Variants in BACH2 observed in about 807,000 individuals in gnomAD.
BACH2 encodes the protein BACH transcriptional regulator 2, also known as transcription regulator protein BACH2.
A neutral mutation model predicts 61.8 loss-of-function variants in BACH2; 5 were observed. That is an observed-to-expected ratio of 0.08 (90% CI 0.04 to 0.17). BACH2 has a LOEUF of 0.17. BACH2 is among the 10% of genes least tolerant of loss of function. BACH2 has a pLI of 1.00. For synonymous variants in BACH2, 446 were observed against 440.1 expected (o/e 1.01, Z -0.17); for missense variants, 824 against 1,091.1 (o/e 0.76, Z 3.45).
intron 4 of BACH2, among the ~76,000 whole-genome samples, chr6:90,175,551 G>C (rs1029285743): frequency 1.3e-5 from 2 of 151,718 alleles, no homozygotes; most frequent in African/African-American, 4.8e-5. Flanking sequence ...TTTTGAAAGA[G>C]AATTTTTCAA....
intron 3 of BACH2, among the ~76,000 whole-genome samples, chr6:90,214,973 T>G (rs993764977): frequency 2.0e-5 from 3 of 152,074 alleles, no homozygotes; most frequent in African/African-American, 7.2e-5. Context: ...TAGGCTGGTT[T>G]CAAACTCCTG....
At chr6:90,009,877 C>G (rs569006244) in intron 5 of BACH2, among the ~76,000 whole-genome samples, 5 of 152,174 alleles carry the variant, frequency 3.3e-5, no homozygotes, top group Non-Finnish European at 7.3e-5. Context: ...CTTGGCCAGG[C>G]TGGTTTTGAA....
chr6:90,045,722 C>T (rs994009530), intron 5 of BACH2, among the ~76,000 whole-genome samples: 3 of 152,162 alleles, frequency 2.0e-5, no homozygotes, highest in African/African-American at 7.2e-5. Context: ...GACTCTCATC[C>T]CATGTAAAAA....
chr6:89,942,612 A>G (rs907348820), intron 7 of BACH2, among the ~76,000 whole-genome samples: 1 of 152,132 alleles, frequency 6.6e-6, no homozygotes, highest in Admixed American at 6.5e-5. Context: ...CATCCCCACT[A>G]GTTATACTCA....
chr6:90,099,083 G>A (rs370180289), intron 4 of BACH2, among the ~76,000 whole-genome samples: 130 of 151,874 alleles, frequency 8.6e-4, no homozygotes, highest in African/African-American at 2.9e-3. Context: ...TAAAAGCAAC[G>A]GCCTCCCGTT....
chr6:90,256,135 G>A (rs542298894), intron 2 of BACH2, among the ~76,000 whole-genome samples: 1 of 152,080 alleles, frequency 6.6e-6, no homozygotes, highest in South Asian at 2.1e-4. Flanking sequence ...CACATAAAAC[G>A]TACAGTGTGA....
intron 3 of BACH2, among the ~76,000 whole-genome samples, chr6:90,214,751 CTTTTT>C (rs563651580): frequency 0.046 from 4,313 of 94,078 alleles, 161 homozygotes; most frequent in African/African-American, 0.16. Context: ...GATTCTGTTC[CTTTTT>C]TTTTTTTTTT....
intron 4 of BACH2, among the ~76,000 whole-genome samples, chr6:90,139,072 C>T (rs565215501): frequency 4.5e-4 from 69 of 152,240 alleles, no homozygotes; most frequent in Non-Finnish European, 8.5e-4. Context: ...GCCTACTTGA[C>T]TTCCTTGTTT....
At chr6:90,071,975 C>T (rs1468621006) in intron 5 of BACH2, among the ~76,000 whole-genome samples, 2 of 152,000 alleles carry the variant, frequency 1.3e-5, no homozygotes, top group Admixed American at 6.6e-5. Context: ...AGGGATTGGT[C>T]TTGCTGTCTC....
rs1774102108 is a variant in BACH2 at position 89,951,390 on chromosome 6, G to C, written c.716C>G (p.Thr239Ser). Residue 239 changes from threonine to serine, a missense_variant, in exon 7 of 9, where the codon ACC becomes AGC. Around this residue, in one of 8 missense-constraint regions of BACH2, gnomAD observed 19 missense variants for 44.2 expected, o/e 0.43. Transcript: ENST00000257749. The surrounding 1 kb of genome is among the most constrained non-coding windows in gnomAD (Gnocchi z 6.4). ...PRYKKYQLAC[T>S]KNVYNASSHS... Reference sequence around the variant, plus strand: ...TGATGATGCATTATAGACATTCTTGGTACATGCAAGCTGGTATTTCTTGTA... The same window carrying C: ...TGATGATGCATTATAGACATTCTTGCTACATGCAAGCTGGTATTTCTTGTA... 1 of 1,614,098 alleles carries C rather than the reference G, an allele frequency of 6.2e-7. No homozygotes were observed. The highest frequency in any genetic ancestry group is 1.3e-5 in the African/African-American group (1 of 74,938).
intron 3 of BACH2, chr6:90,217,898 A>G (rs966269302): frequency 6.6e-6 from 1 of 151,760 alleles, no homozygotes; most frequent in African/African-American, 2.4e-5. Flanking sequence ...AGGGAAAAAT[A>G]ATACCTTACT....
chr6:89,951,088 A>T lies in BACH2; in HGVS notation c.1018T>A (p.Cys340Ser), dbSNP rs370480083. ...GTTATGCTGAACAGAGACCTTAAGC[A>T]GGAGGGCGAGGCCACGCTCCTGGAT... is the stretch of plus-strand genomic sequence containing the variant. ...ERSRSVASPSCLRSLFSITKS... is the reference protein window; with the variant it reads ...ERSRSVASPSSLRSLFSITKS... Residue 340 changes from cysteine (C) to serine (S), a missense_variant, in exon 7 of 9, where the codon TGC becomes AGC. Cys to Ser is a moderately radical substitution (Grantham distance 112, BLOSUM62 -1). This residue lies in a region of BACH2 where 226 missense variants were observed against 228.5 expected (regional missense o/e 0.99). Coordinates refer to ENST00000257749, the MANE Select transcript of BACH2 (RefSeq NM_021813.4). The surrounding 1 kb of genome is among the most constrained non-coding windows in gnomAD (Gnocchi z 6.4). 6 of 1,612,436 alleles carry T rather than the reference A, an allele frequency of 3.7e-6. No individual in the cohort carries two copies. Among genetic ancestry groups the T allele is most frequent in the Non-Finnish European group, 3.4e-6 (4 of 1,179,288 alleles).
chr6:90,034,425 T>C (rs776120140), intron 5 of BACH2, among the ~76,000 whole-genome samples: 1 of 152,082 alleles, frequency 6.6e-6, no homozygotes, highest in South Asian at 2.1e-4. Context: ...CTCAGCACAC[T>C]GTACATTTTC....
At chr6:90,041,258 A>G (rs1242470836) in intron 5 of BACH2, among the ~76,000 whole-genome samples, 1 of 151,974 alleles carries the variant, frequency 6.6e-6, no homozygotes, top group Admixed American at 6.6e-5. Context: ...TCCCATAAAC[A>G]CTACATCTAC....
chr6:90,046,708 A>G (rs186012386), intron 5 of BACH2, among the ~76,000 whole-genome samples: 5 of 152,244 alleles, frequency 3.3e-5, no homozygotes, highest in Admixed American at 3.3e-4. Context: ...GCTCTTTCAG[A>G]TGTTTTTTCC....
chr6:90,166,374 A>G (rs1307049493), intron 4 of BACH2, among the ~76,000 whole-genome samples: 2 of 152,208 alleles, frequency 1.3e-5, no homozygotes, highest in Non-Finnish European at 2.9e-5. Flanking sequence ...CACACCAGTT[A>G]GAATGGCAAT....
rs1462639661 is a variant in BACH2, at chr6:90,171,435, AC to A, written c.-162+35133del. Among the ~76,000 whole-genome samples, 254 of 151,634 alleles carry A rather than the reference AC, an allele frequency of 1.7e-3. 2 individuals carry two copies. Among genetic ancestry groups the A allele is most frequent in the Non-Finnish European group, 3.2e-4 (22 of 67,852 alleles). On this transcript the variant is annotated intron_variant, in intron 4 of 8. Transcript: ENST00000257749. ...TCTCAAGAAGAAAAAAAAAAACAAA[AC>A]CCCACAAAAAAACAAAAACAAAGCC... is the stretch of plus-strand genomic sequence containing the variant.
intron 3 of BACH2, chr6:90,218,063 T>C (rs1769598846): frequency 2.0e-5 from 3 of 152,176 alleles, no homozygotes. Context: ...CTGGAAACCA[T>C]TAACTAAGAG....
intron 5 of BACH2, among the ~76,000 whole-genome samples, chr6:90,036,573 T>G (rs1260434633): frequency 6.6e-6 from 1 of 152,216 alleles, no homozygotes; most frequent in Non-Finnish European, 1.5e-5. Context: ...TTATTATGCT[T>G]ATTTCATTAC....
Sources: gnomAD v4.1 joint callset for allele counts (sites outside exome capture counted in the v4.1 genomes callset) on GRCh38, gnomAD v4.1.1 for gene constraint, gnomAD v4.1.1 regional missense constraint, Gnocchi (gnomAD v3.1) non-coding constraint, MANE v1.5 for transcripts, NCBI Gene and HGNC (gene_info 2026-07-23, HGNC 2026-07-21) for gene names.